RABGAP1L: variants seen among roughly 807,000 people sequenced by gnomAD.
RABGAP1L encodes RAB GTPase activating protein 1 like.
A neutral mutation model predicts 137.7 loss-of-function variants in RABGAP1L; 63 were observed. The observed-to-expected ratio is 0.46, with a 90% CI of 0.37 to 0.56. The LOEUF is 0.56. Among genes scored for constraint, RABGAP1L ranks in the 20% least tolerant of loss-of-function variants. The pLI is 0.00. For missense variants in RABGAP1L, 1,095 were observed against 1,244.0 expected (o/e 0.88, Z 1.80); for synonymous variants, 431 against 433.7 (o/e 0.99, Z 0.08).
chr1:174,779,817 T>A (rs1270142789), intron 18 of RABGAP1L, among the ~76,000 whole-genome samples: 6 of 152,072 alleles, frequency 3.9e-5, no homozygotes, highest in African/African-American at 1.4e-4. Flanking sequence ...CCAAATTTAG[T>A]TTTTATTTAA....
At chr1:174,233,462 G>A (rs1315423850) in intron 4 of RABGAP1L, among the ~76,000 whole-genome samples, 1 of 124,960 alleles carries the variant, frequency 8.0e-6, no homozygotes, top group Non-Finnish European at 1.5e-5. Flanking sequence ...TCCCCTTCCT[G>A]TGTCCATGTG....
At chr1:174,473,802 G>A (rs1487231472) in intron 13 of RABGAP1L, among the ~76,000 whole-genome samples, 4 of 152,094 alleles carry the variant, frequency 2.6e-5, no homozygotes, top group African/African-American at 7.2e-5. Flanking sequence ...GCAATCATTC[G>A]CCCCTAAAGC....
At chr1:174,978,783 T>G in intron 22 of RABGAP1L, 24 bp from the exon 23 acceptor site, 1 of 1,517,128 alleles carries the variant, frequency 6.6e-7, no homozygotes, top group Non-Finnish European at 8.8e-7. Flanking sequence ...TAAATCCTGA[T>G]ATTTCTCATT....
At chr1:174,608,954 T>C (rs1455058616) in intron 13 of RABGAP1L, among the ~76,000 whole-genome samples, 2 of 152,152 alleles carry the variant, frequency 1.3e-5, no homozygotes, top group Non-Finnish European at 2.9e-5. Flanking sequence ...TGAATAATAT[T>C]CTCTATTTTT....
chr1:174,846,011 T>A (rs1320747469), intron 19 of RABGAP1L, among the ~76,000 whole-genome samples: 1 of 147,122 alleles, frequency 6.8e-6, no homozygotes, highest in Non-Finnish European at 1.5e-5. Context: ...AGTTTATTTG[T>A]GTAGAGGTGT....
chr1:174,478,449 AT>A (rs981421768), intron 13 of RABGAP1L, among the ~76,000 whole-genome samples: 15 of 150,662 alleles, frequency 1.0e-4, no homozygotes, highest in Non-Finnish European at 2.1e-4. Context: ...TAAAAAAAAA[AT>A]TTTTTTTTAA....
intron 21 of RABGAP1L, among the ~76,000 whole-genome samples, chr1:174,970,096 C>T (rs1670005801): frequency 6.6e-6 from 1 of 152,102 alleles, no homozygotes; most frequent in African/African-American, 2.4e-5. Flanking sequence ...AAAAGCTGCC[C>T]AGAGAATGGT....
chr1:174,613,848 A>C (rs1024845768), intron 13 of RABGAP1L, among the ~76,000 whole-genome samples: 11 of 151,906 alleles, frequency 7.2e-5, no homozygotes, highest in African/African-American at 2.7e-4. Flanking sequence ...TGTTGGTGTA[A>C]AGTCTGTTTT....
At chr1:174,285,506 A>G (rs1456244927) in intron 10 of RABGAP1L, among the ~76,000 whole-genome samples, 1 of 149,890 alleles carries the variant, frequency 6.7e-6, no homozygotes, top group African/African-American at 2.4e-5. Flanking sequence ...AACTTTACTG[A>G]ATTTGTTCTA....
At chr1:174,985,337 G>A (rs1671500276) in intron 24 of RABGAP1L, among the ~76,000 whole-genome samples, 1 of 152,238 alleles carries the variant, frequency 6.6e-6, no homozygotes, top group Non-Finnish European at 1.5e-5. Context: ...AAGCTGCAGT[G>A]AACTGTGAGC....
intron 13 of RABGAP1L, among the ~76,000 whole-genome samples, chr1:174,596,130 G>C (rs935291944): frequency 2.2e-5 from 3 of 136,126 alleles, no homozygotes; most frequent in Non-Finnish European, 4.6e-5. Context: ...AGGTGCGTCC[G>C]TCACCCCTTT....
At chr1:174,912,788 A>G (rs1426486377) in intron 19 of RABGAP1L, among the ~76,000 whole-genome samples, 1 of 152,222 alleles carries the variant, frequency 6.6e-6, no homozygotes, top group African/African-American at 2.4e-5. Flanking sequence ...TAATAGTATC[A>G]GCTTCTGATT....
chr1:174,763,458 G>A, intron 18 of RABGAP1L, among the ~76,000 whole-genome samples: 1 of 151,000 alleles, frequency 6.6e-6, no homozygotes, highest in African/African-American at 2.4e-5. Context: ...AGACCATCCT[G>A]GCTAACACGG....
rs1214144602 is a variant in RABGAP1L at position 174,702,217 on chromosome 1, C to G, written c.2130C>G (p.Leu710=). 1 of 1,612,398 alleles carries G rather than the reference C, an allele frequency of 6.2e-7. No individual in the cohort carries two copies. Among genetic ancestry groups the G allele is most frequent in the Non-Finnish European group, 8.5e-7 (1 of 1,179,114 alleles). The change falls in exon 17 of 26, where the codon CTC becomes CTG. Residue 710 remains leucine (L), a synonymous_variant. Coordinates refer to ENST00000681986, the MANE Select transcript of RABGAP1L (RefSeq NM_001366446.1). ...FLTLFTAKFP[L]CMVFHIIDLL... is the part of the protein sequence containing the mutation. ...CTCTTTTTACTGCCAAGTTCCCACT[C>G]TGCATGGTGTTCCACATCATTGACT...
At chr1:174,602,494 A>T (rs1314834495) in intron 13 of RABGAP1L, among the ~76,000 whole-genome samples, 2 of 152,150 alleles carry the variant, frequency 1.3e-5, no homozygotes, top group Non-Finnish European at 2.9e-5. Context: ...TCCTCCCACA[A>T]CACGTGGAAA....
At chr1:174,228,023 T>G (rs1670333642) in intron 3 of RABGAP1L, among the ~76,000 whole-genome samples, 1 of 152,134 alleles carries the variant, frequency 6.6e-6, no homozygotes, top group Admixed American at 6.5e-5. Context: ...TGCTGTTATA[T>G]TCACCTGGGG....
intron 17 of RABGAP1L, among the ~76,000 whole-genome samples, chr1:174,726,572 A>G (rs1682001301): frequency 6.6e-6 from 1 of 152,178 alleles, no homozygotes; most frequent in African/African-American, 2.4e-5. Context: ...TTACTGAATT[A>G]TCAAAATGAG....
chr1:174,195,621 C>T (rs1243719929), intron 1 of RABGAP1L, among the ~76,000 whole-genome samples: 1 of 64,322 alleles, frequency 1.6e-5, no homozygotes, highest in Non-Finnish European at 3.1e-5. Context: ...TTCTTTCTTC[C>T]TTCCTTCCTT....
At chr1:174,779,565 T>A (rs1419011248) in intron 18 of RABGAP1L, among the ~76,000 whole-genome samples, 1 of 152,184 alleles carries the variant, frequency 6.6e-6, no homozygotes, top group African/African-American at 2.4e-5. Context: ...CCTTATGTTT[T>A]TTCCAGTTGT....
Sources: allele counts gnomAD v4.1 joint callset (sites outside exome capture counted in the v4.1 genomes callset), GRCh38; gene constraint gnomAD v4.1.1; transcripts MANE v1.5; gene names NCBI Gene and HGNC (gene_info 2026-07-23, HGNC 2026-07-21).